The following SLC35F1 variants were observed in gnomAD, a reference collection of about 807,000 sequenced individuals.
The protein encoded by SLC35F1 is solute carrier family 35 member F1, also known as chromosome 6 open reading frame 169.
SLC35F1 carries 14 observed loss-of-function variants against 48.7 expected under a neutral mutation model. The ratio of observed to expected loss-of-function variants is 0.29; its 90% CI spans 0.19 to 0.45. The LOEUF (loss-of-function observed/expected upper bound fraction) is 0.45, where lower values mean the gene tolerates loss of function less well. Among genes scored for constraint, SLC35F1 ranks in the 20% least tolerant of loss-of-function variants. The probability of loss-of-function intolerance (pLI) is 1.00; values close to 1 mark genes in which losing one functional copy is unlikely to be tolerated. For missense variants in SLC35F1, 404 were observed against 500.0 expected, an observed-to-expected ratio of 0.81 and a Z score of 1.83; for synonymous variants, 190 against 202.2, an observed-to-expected ratio of 0.94 and a Z score of 0.51.
intron 1 of SLC35F1, among the ~76,000 whole-genome samples, chr6:118,091,191 C>T (rs941510631): frequency 3.3e-5 from 5 of 152,106 alleles, no homozygotes; most frequent in Non-Finnish European, 5.9e-5. Context: ...ATATGAGATT[C>T]CTGTTAGATA....
chr6:118,266,756 A>G (rs1775778887), intron 3 of SLC35F1, among the ~76,000 whole-genome samples: 1 of 152,158 alleles, frequency 6.6e-6, no homozygotes, highest in African/African-American at 2.4e-5. Context: ...TGTCTTATCA[A>G]TTTGCCTTCT....
intron 7 of SLC35F1, among the ~76,000 whole-genome samples, chr6:118,301,139 GT>G (rs1442684869): frequency 5.9e-5 from 9 of 152,250 alleles, no homozygotes; most frequent in African/African-American, 2.2e-4. Flanking sequence ...TGGGTGCTGT[GT>G]CTCTGATGCT....
chr6:118,127,213 G>T (rs2114413746), intron 1 of SLC35F1, among the ~76,000 whole-genome samples: 1 of 151,836 alleles, frequency 6.6e-6, no homozygotes, highest in South Asian at 2.1e-4. Context: ...TTTGTCAAAG[G>T]CCTTTTCTGC....
chr6:118,079,254 C>T (rs1052345639), intron 1 of SLC35F1, among the ~76,000 whole-genome samples: 4 of 152,176 alleles, frequency 2.6e-5, no homozygotes, highest in Non-Finnish European at 5.9e-5. Context: ...CAGATACCTT[C>T]TATAAATGGA....
chr6:118,165,629 A>G (rs897280983), intron 2 of SLC35F1, among the ~76,000 whole-genome samples: 6 of 152,240 alleles, frequency 3.9e-5, no homozygotes, highest in Non-Finnish European at 8.8e-5. Flanking sequence ...TATACATGCC[A>G]TACAGAAAGC....
intron 1 of SLC35F1, among the ~76,000 whole-genome samples, chr6:118,050,048 A>C (rs1582638810): frequency 6.6e-6 from 1 of 152,160 alleles, no homozygotes; most frequent in Non-Finnish European, 1.5e-5. Context: ...AAAAATGATG[A>C]GTTCATGTCC....
At chr6:118,189,203 G>C (rs912603223) in intron 2 of SLC35F1, among the ~76,000 whole-genome samples, 100 of 152,214 alleles carry the variant, frequency 6.6e-4, no homozygotes, top group African/African-American at 2.3e-3. Context: ...AAGCCACCAT[G>C]CCCAGTCCAA....
chr6:118,016,009 C>T (rs1239635086), intron 1 of SLC35F1, among the ~76,000 whole-genome samples: 1 of 152,034 alleles, frequency 6.6e-6, no homozygotes, highest in African/African-American at 2.4e-5. Flanking sequence ...AATCTAATTC[C>T]CTGGAGATGA....
chr6:117,931,247 T>C (rs993636071), intron 1 of SLC35F1, among the ~76,000 whole-genome samples: 1 of 152,142 alleles, frequency 6.6e-6, no homozygotes, highest in Non-Finnish European at 1.5e-5. Context: ...TAAAGAAATA[T>C]CTTTTAAAAA....
At chr6:118,037,089 A>G (rs1344192049) in intron 1 of SLC35F1, among the ~76,000 whole-genome samples, 2 of 152,176 alleles carry the variant, frequency 1.3e-5, no homozygotes, top group East Asian at 1.9e-4. Context: ...TTGTCTTGAA[A>G]TATATTTTAT....
In SLC35F1 at chr6:117,923,670, T is replaced by C. The variant is rs868078990; in HGVS notation, c.173+15771T>C. Among the ~76,000 whole-genome samples, 4 of 26,820 alleles carry C rather than the reference T, an allele frequency of 1.5e-4. 2 individuals carry two copies. The Admixed American group carries it at 1.7e-3, about 11-fold the overall frequency. The allele number at this position is 26,820 out of a possible 152,430, so 17.6% of individuals were successfully genotyped here. A position where few individuals can be genotyped will look rare whatever the true frequency, so the allele number is the denominator to read the frequency against. ...ACATATGTACATATGTATATATACA[T>C]ATATGTACATATATACATATGTACA... On this transcript the variant is annotated intron_variant, in intron 1 of 7. Transcript: ENST00000360388.
At chr6:117,915,295 C>T (rs899230920) in intron 1 of SLC35F1, among the ~76,000 whole-genome samples, 1 of 152,142 alleles carries the variant, frequency 6.6e-6, no homozygotes, top group Non-Finnish European at 1.5e-5. Context: ...TAAAACATTA[C>T]ATTGTATGTT....
At chr6:118,150,205 AGCTCATGGCTT>A (rs900190793) in intron 1 of SLC35F1, among the ~76,000 whole-genome samples, 29 of 152,254 alleles carry the variant, frequency 1.9e-4, no homozygotes, top group African/African-American at 7.0e-4. Context: ...TGTAAGTCTA[AGCTCATGGCTT>A]GGCACATAGT....
rs1775966394 is a variant in SLC35F1 at position 117,923,740 on chromosome 6, C to CATATGT, written c.173+15845_173+15846insGTATAT. Among the ~76,000 whole-genome samples, 6 of 60,304 alleles carry CATATGT rather than the reference C, an allele frequency of 9.9e-5. 1 individual carries two copies. Among genetic ancestry groups the CATATGT allele is most frequent in the South Asian group, 1.6e-3 (2 of 1,238 alleles). 39.6% of individuals were successfully genotyped at this position (60,304 alleles called of 152,430 possible). On this transcript the variant is annotated intron_variant, in intron 1 of 7. Transcript: ENST00000360388. ...ATACATATATACATATGTATATATA[C>CATATGT]ATATATGTACATATATACATATGCA...
At chr6:118,035,845 C>T (rs1414117534) in intron 1 of SLC35F1, among the ~76,000 whole-genome samples, 2 of 146,692 alleles carry the variant, frequency 1.4e-5, no homozygotes, top group Admixed American at 1.4e-4. Flanking sequence ...CCCCCCCAAC[C>T]ACGCCCGGCT....
chr6:117,963,979 C>A (rs541652166), intron 1 of SLC35F1, among the ~76,000 whole-genome samples: 40 of 152,278 alleles, frequency 2.6e-4, no homozygotes, highest in Non-Finnish European at 3.8e-4. Context: ...TCCCTCTGTA[C>A]CCCTGACAGG....
At chr6:118,196,204 G>C (rs116276422) in intron 2 of SLC35F1, among the ~76,000 whole-genome samples, 2,790 of 152,318 alleles carry the variant, frequency 0.018, 95 homozygotes, top group African/African-American at 0.063. Context: ...GTGAGTGGTT[G>C]AAGTATTGCT....
intron 1 of SLC35F1, among the ~76,000 whole-genome samples, chr6:118,040,951 T>C (rs1772208564): frequency 6.6e-6 from 1 of 152,148 alleles, no homozygotes; most frequent in Admixed American, 6.6e-5. Context: ...AGGTTTATTT[T>C]AAAATTACAC....
Position 118,251,062 on chromosome 6 carries a change from C to A in SLC35F1, c.477+15426C>A, listed in dbSNP as rs535470180. On this transcript the variant is annotated intron_variant, in intron 3 of 7. Transcript: ENST00000360388. Reference sequence around the variant, plus strand: ...CAGCACTTTGGGAGGCCGAGGCGGGCAGGTCGTTTGAGCTCAGGAGTTCAA... The same window carrying A: ...CAGCACTTTGGGAGGCCGAGGCGGGAAGGTCGTTTGAGCTCAGGAGTTCAA... Among the ~76,000 whole-genome samples the A allele has an allele frequency of 2.6e-5, 4 of 152,170 alleles. No individual in the cohort carries two copies. The South Asian group carries it at 8.3e-4, about 32-fold the overall frequency.
Sources: allele counts gnomAD v4.1 joint callset (sites outside exome capture counted in the v4.1 genomes callset), GRCh38; gene constraint gnomAD v4.1.1; transcripts MANE v1.5; gene names NCBI Gene and HGNC (gene_info 2026-07-23, HGNC 2026-07-21).